COL21A1: variants seen among roughly 807,000 people sequenced by gnomAD.
COL21A1 encodes collagen type XXI alpha 1 chain, also known as collagen alpha-1(XXI) chain.
Under a neutral mutation model 137.9 loss-of-function variants are expected in COL21A1, and 149 were observed. The observed-to-expected ratio is 1.08, with a 90% CI of 0.95 to 1.24. The LOEUF (loss-of-function observed/expected upper bound fraction) is 1.24. Ranked by LOEUF, COL21A1 falls within the 50% of genes most tolerant of loss-of-function variation. COL21A1 has a pLI of 0.00. For missense variants in COL21A1, 1,167 were observed against 1,158.4 expected, an observed-to-expected ratio of 1.01 and a Z score of -0.11; for synonymous variants, 456 against 391.5, an observed-to-expected ratio of 1.16 and a Z score of -1.95.
intron 1 of COL21A1, among the ~76,000 whole-genome samples, chr6:56,354,947 T>G (rs556003878): frequency 3.6e-4 from 55 of 152,302 alleles, no homozygotes; most frequent in Admixed American, 8.5e-4. Flanking sequence ...TGGTCACCAT[T>G]GGACAGTAAT....
chr6:56,059,957 G>T, intron 28 of COL21A1, 61 bp downstream of exon 28: 1 of 1,209,976 alleles, frequency 8.3e-7, no homozygotes, highest in South Asian at 1.4e-5. Context: ...TGGATATAGG[G>T]TATGAATTTT....
At chr6:56,308,832 G>C (rs568483855) in intron 1 of COL21A1, among the ~76,000 whole-genome samples, 17 of 152,198 alleles carry the variant, frequency 1.1e-4, no homozygotes, top group African/African-American at 4.1e-4. Flanking sequence ...ATACTCAGTT[G>C]GACAGGGTAA....
In COL21A1 at chr6:56,057,295, C is replaced by T; in HGVS notation, c.*362G>A. 3.5e-6 allele frequency: 1 copy of T among 285,430 alleles called. No individual in the cohort carries two copies. The highest frequency in any genetic ancestry group is 3.2e-5 in the South Asian group (1 of 31,140). The allele number at this position is 285,430 out of a possible 1,614,324, so 17.7% of individuals were successfully genotyped here. On this transcript the variant is annotated 3_prime_UTR_variant, in exon 30 of 30. Coordinates refer to ENST00000244728, the MANE Select transcript of COL21A1 (RefSeq NM_030820.4). ...ATAGGAAACATGAAAGTCACATGGA[C>T]ATGAAATTAAACTCAAATCTCTACT...
At chr6:56,246,439 C>T (rs550225079) in intron 1 of COL21A1, among the ~76,000 whole-genome samples, 1 of 150,260 alleles carries the variant, frequency 6.7e-6, no homozygotes, top group South Asian at 2.1e-4. Context: ...TAAGTCTCCC[C>T]TTTATAAGAT....
chr6:56,073,050 A>G (rs1025773505), intron 20 of COL21A1, among the ~76,000 whole-genome samples: 2 of 151,422 alleles, frequency 1.3e-5, no homozygotes, highest in Non-Finnish European at 3.0e-5. Context: ...CGGAAAGTCC[A>G]ACAGATACAA....
intron 17 of COL21A1, among the ~76,000 whole-genome samples, chr6:56,100,604 G>A (rs897058902): frequency 1.3e-5 from 2 of 152,058 alleles, no homozygotes. Flanking sequence ...GTAATTATTT[G>A]CATCATTTTT....
At chr6:56,077,814 G>A (rs1357621633) in intron 17 of COL21A1, 1 of 427,330 alleles carries the variant, frequency 2.3e-6, no homozygotes, top group Non-Finnish European at 4.2e-6. Flanking sequence ...GAAACTATGA[G>A]GAAATTCATC....
chr6:56,157,144 T>C (rs1582508792), intron 9 of COL21A1, among the ~76,000 whole-genome samples, 195 bp from the exon 10 acceptor site: 1 of 152,116 alleles, frequency 6.6e-6, no homozygotes, highest in African/African-American at 2.4e-5. Context: ...CTTTCAATGA[T>C]TTATTTATGT....
Position 56,302,421 on chromosome 6 carries a change from C to T in COL21A1, c.-39+91550G>A, listed in dbSNP as rs929729866. 2.2e-4 allele frequency among the ~76,000 whole-genome samples: 34 copies of T among 152,004 alleles called. 1 individual carries two copies. The highest frequency in any genetic ancestry group is 4.0e-4 in the Non-Finnish European group (27 of 67,930). ...TCCTGACTTTTTAATGATCGCCATT[C>T]TAACTGGTGTGACATGGTATCTCAT... is the stretch of plus-strand genomic sequence containing the variant. On this transcript the variant is annotated intron_variant, in intron 1 of 28. Coordinates refer to the COL21A1 transcript ENST00000370819.
chr6:56,190,190 T>G (rs569331320), intron 1 of COL21A1, among the ~76,000 whole-genome samples: 141 of 152,034 alleles, frequency 9.3e-4, no homozygotes, highest in African/African-American at 3.3e-3. Flanking sequence ...ATAGACAGAC[T>G]GCTAGCAAGA....
intron 22 of COL21A1, among the ~76,000 whole-genome samples, chr6:56,068,310 C>T (rs573617155): frequency 1.3e-5 from 2 of 151,660 alleles, no homozygotes; most frequent in Admixed American, 6.6e-5. Flanking sequence ...GAGTTTGTGT[C>T]TTTTCCAGAA....
chr6:56,059,903 T>G (rs2114025576), intron 28 of COL21A1, 115 bp downstream of exon 28: 1 of 665,498 alleles, frequency 1.5e-6, no homozygotes, highest in South Asian at 2.1e-5. Flanking sequence ...AGACGAGCAT[T>G]TACAGATTTT....
intron 17 of COL21A1, among the ~76,000 whole-genome samples, chr6:56,081,816 A>G (rs954626102): frequency 6.6e-6 from 1 of 151,926 alleles, no homozygotes; most frequent in Non-Finnish European, 1.5e-5. Flanking sequence ...CCCACTTGGG[A>G]CAGGACCCAA....
chr6:56,209,604 AC>A (rs1418122635), intron 1 of COL21A1, among the ~76,000 whole-genome samples: 3 of 152,092 alleles, frequency 2.0e-5, no homozygotes, highest in Non-Finnish European at 4.4e-5. Context: ...AGTTAGAATG[AC>A]GATCATTAAA....
At chr6:56,159,985 T>TCTTTATGACACTGGTCAACAGC in intron 9 of COL21A1, among the ~76,000 whole-genome samples, 1 of 152,130 alleles carries the variant, frequency 6.6e-6, no homozygotes, top group East Asian at 1.9e-4. Flanking sequence ...TGGTCAACAG[T>TCTTTATGACACTGGTCAACAGC]CTTTATGACA....
intron 1 of COL21A1, among the ~76,000 whole-genome samples, chr6:56,306,011 T>C (rs1415125134): frequency 9.5e-6 from 1 of 105,402 alleles, no homozygotes; most frequent in Non-Finnish European, 2.1e-5. Context: ...TTTGGCTGGA[T>C]ATGAAATTCT....
rs1775002377 is a variant in COL21A1, at chr6:56,148,338, C to CACAGAGAGAGAGAGAGAGAGAGAGAG, written c.1435-6356_1435-6355insCTCTCTCTCTCTCTCTCTCTCTCTGT. Among the ~76,000 whole-genome samples, 10 of 133,280 alleles carry CACAGAGAGAGAGAGAGAGAGAGAGAG rather than the reference C, an allele frequency of 7.5e-5. 1 individual carries two copies. The highest frequency in any genetic ancestry group is 2.9e-4 in the African/African-American group (10 of 34,948). 87.4% of individuals were successfully genotyped at this position (133,280 alleles called of 152,430 possible). ...TTTAGCTTATTAGTGAGACAAGAGA[C>CACAGAGAGAGAGAGAGAGAGAGAGAG]AGAGAGAGAGAGAGAGAGAGAGAGA... On this transcript the variant is annotated intron_variant, in intron 10 of 29. Transcript: ENST00000244728.
chr6:56,337,780 G>A (rs899042452), intron 1 of COL21A1, among the ~76,000 whole-genome samples: 5 of 152,020 alleles, frequency 3.3e-5, no homozygotes, highest in Non-Finnish European at 5.9e-5. Context: ...TTCTTTTACC[G>A]TATTTTGGAG....
At chr6:56,141,414 C>T (rs1207221752) in intron 12 of COL21A1, among the ~76,000 whole-genome samples, 1 of 152,150 alleles carries the variant, frequency 6.6e-6, no homozygotes, top group African/African-American at 2.4e-5. Context: ...GGCCACGTGC[C>T]AGATAGATAC....
Sources: allele counts gnomAD v4.1 joint callset (sites outside exome capture counted in the v4.1 genomes callset), GRCh38; gene constraint gnomAD v4.1.1; transcripts MANE v1.5; gene names NCBI Gene and HGNC (gene_info 2026-07-23, HGNC 2026-07-21).